NKAIN2: variants seen among roughly 807,000 people sequenced by gnomAD.
The protein encoded by NKAIN2 is sodium/potassium-transporting ATPase subunit beta-1-interacting protein 2.
A neutral mutation model predicts 32.6 loss-of-function variants in NKAIN2; 14 were observed. That is an observed-to-expected ratio of 0.43 (90% CI 0.28 to 0.67). The LOEUF is 0.67. Ranked by LOEUF, NKAIN2 falls within the 30% of genes least tolerant of loss-of-function variation. NKAIN2 has a pLI of 0.17. For missense variants in NKAIN2, 198 were observed against 258.3 expected, an observed-to-expected ratio of 0.77 and a Z score of 1.60; for synonymous variants, 80 against 87.2, an observed-to-expected ratio of 0.92 and a Z score of 0.46.
chr6:124,365,218 A>C (rs1187772305), intron 3 of NKAIN2, among the ~76,000 whole-genome samples: 2 of 151,962 alleles, frequency 1.3e-5, no homozygotes, highest in East Asian at 3.9e-4. Flanking sequence ...TAAATATACT[A>C]ATATTCCAAT....
At chr6:123,842,105 T>A (rs935115634) in intron 1 of NKAIN2, among the ~76,000 whole-genome samples, 19 of 152,182 alleles carry the variant, frequency 1.2e-4, no homozygotes, top group African/African-American at 4.6e-4. Context: ...TTTCCCTAGC[T>A]CCAAGGTGGT....
intron 1 of NKAIN2, among the ~76,000 whole-genome samples, chr6:123,897,054 C>G (rs1774319090): frequency 6.6e-6 from 1 of 152,154 alleles, no homozygotes; most frequent in South Asian, 2.1e-4. Flanking sequence ...GAATCTCTTT[C>G]TTCCTCTTCC....
intron 5 of NKAIN2, among the ~76,000 whole-genome samples, chr6:124,800,851 T>C (rs779116662): frequency 6.6e-6 from 1 of 152,154 alleles, no homozygotes; most frequent in Non-Finnish European, 1.5e-5. Flanking sequence ...GTTTGTTTGT[T>C]TGTTTATAGG....
At chr6:124,026,194 T>A (rs1018755247) in intron 1 of NKAIN2, among the ~76,000 whole-genome samples, 1 of 152,218 alleles carries the variant, frequency 6.6e-6, no homozygotes, top group Non-Finnish European at 1.5e-5. Context: ...GTTCCTGTGT[T>A]ATGTAAAACT....
At chr6:124,078,280 G>C (rs529688709) in intron 1 of NKAIN2, among the ~76,000 whole-genome samples, 2 of 151,914 alleles carry the variant, frequency 1.3e-5, no homozygotes, top group Non-Finnish European at 2.9e-5. Flanking sequence ...TTTTCATCAA[G>C]ATTTGGCCTA....
chr6:124,359,166 G>C (rs1799146057), intron 3 of NKAIN2, among the ~76,000 whole-genome samples: 1 of 152,096 alleles, frequency 6.6e-6, no homozygotes, highest in Admixed American at 6.5e-5. Context: ...TGCTGTTTTG[G>C]TTACTGTAGC....
intron 1 of NKAIN2, among the ~76,000 whole-genome samples, chr6:124,066,512 T>A (rs1783186903): frequency 6.6e-6 from 1 of 152,096 alleles, no homozygotes; most frequent in Admixed American, 6.6e-5. Flanking sequence ...TGGAAAAGAG[T>A]TATGGATCTT....
At chr6:124,281,301 G>T (rs1284848285) in intron 1 of NKAIN2, among the ~76,000 whole-genome samples, 1 of 152,170 alleles carries the variant, frequency 6.6e-6, no homozygotes, top group Non-Finnish European at 1.5e-5. Flanking sequence ...TAGCAATCAT[G>T]TTCTCAGAAC....
chr6:124,792,045 GA>G (rs1779770089), intron 5 of NKAIN2, among the ~76,000 whole-genome samples: 1 of 152,102 alleles, frequency 6.6e-6, no homozygotes, highest in Non-Finnish European at 1.5e-5. Flanking sequence ...CCGAAACATG[GA>G]GGGTAGAAGG....
At chr6:124,461,829 A>G (rs1048674224) in intron 3 of NKAIN2, among the ~76,000 whole-genome samples, 1 of 151,664 alleles carries the variant, frequency 6.6e-6, no homozygotes, top group Admixed American at 6.6e-5. Context: ...AACCTCAATC[A>G]TTTGACTTTA....
intron 1 of NKAIN2, among the ~76,000 whole-genome samples, chr6:123,935,040 T>A (rs1582805600): frequency 6.8e-6 from 1 of 147,750 alleles, no homozygotes; most frequent in East Asian, 1.9e-4. Context: ...AGAACAGATA[T>A]AATTGAAATA....
chr6:124,571,240 C>T (rs1781116203), intron 3 of NKAIN2, among the ~76,000 whole-genome samples: 1 of 152,140 alleles, frequency 6.6e-6, no homozygotes, highest in African/African-American at 2.4e-5. Context: ...AGACTTTGGA[C>T]TGTGGACTTT....
At chr6:124,082,115 G>T (rs1283850910) in intron 1 of NKAIN2, among the ~76,000 whole-genome samples, 1 of 152,008 alleles carries the variant, frequency 6.6e-6, no homozygotes, top group African/African-American at 2.4e-5. Context: ...CGCATGGGTG[G>T]CATGATGGAA....
At chr6:123,811,657 G>A (rs1773478032) in intron 1 of NKAIN2, among the ~76,000 whole-genome samples, 1 of 152,052 alleles carries the variant, frequency 6.6e-6, no homozygotes, top group Non-Finnish European at 1.5e-5. Flanking sequence ...GTATCTAGGG[G>A]AGATAATATG....
At chr6:124,398,611 G>A (rs1348285375) in intron 3 of NKAIN2, among the ~76,000 whole-genome samples, 2 of 152,166 alleles carry the variant, frequency 1.3e-5, no homozygotes, top group Non-Finnish European at 2.9e-5. Context: ...AGTGTATTAT[G>A]ATGATTAAAA....
At chr6:124,792,395 C>T (rs1170414474) in intron 5 of NKAIN2, among the ~76,000 whole-genome samples, 3 of 151,994 alleles carry the variant, frequency 2.0e-5, no homozygotes, top group Non-Finnish European at 4.4e-5. Flanking sequence ...CATACATGAT[C>T]TAAAATCAGA....
chr6:124,555,466 G>T (rs575723006), intron 3 of NKAIN2, among the ~76,000 whole-genome samples: 5 of 152,038 alleles, frequency 3.3e-5, no homozygotes, highest in Non-Finnish European at 7.4e-5. Flanking sequence ...GATATACTTG[G>T]CAAAGTCTCA....
intron 1 of NKAIN2, among the ~76,000 whole-genome samples, chr6:124,222,460 G>A (rs1453732204): frequency 2.0e-5 from 3 of 152,166 alleles, no homozygotes; most frequent in Non-Finnish European, 4.4e-5. Flanking sequence ...TGGTAGGTTG[G>A]ATGCAATTTA....
At chr6:124,325,711 G>C (rs1217568425) in intron 2 of NKAIN2, among the ~76,000 whole-genome samples, 4 of 152,074 alleles carry the variant, frequency 2.6e-5, no homozygotes, top group Non-Finnish European at 4.4e-5. Context: ...GACATAATCA[G>C]AACAGTGGTC....
Sources: gnomAD v4.1 joint callset for allele counts (sites outside exome capture counted in the v4.1 genomes callset) on GRCh38, gnomAD v4.1.1 for gene constraint, MANE v1.5 for transcripts, NCBI Gene and HGNC (gene_info 2026-07-23, HGNC 2026-07-21) for gene names.